The following DLGAP1 variants were observed in gnomAD, a reference collection of about 807,000 sequenced individuals.
DLGAP1 encodes the protein disks large-associated protein 1.
A neutral mutation model predicts 90.8 loss-of-function variants in DLGAP1; 11 were observed. The ratio of observed to expected loss-of-function variants is 0.12; its 90% confidence interval spans 0.08 to 0.20. DLGAP1 has a LOEUF of 0.20. Among genes scored for constraint, DLGAP1 ranks in the 10% least tolerant of loss-of-function variants. The pLI is 1.00. For missense variants in DLGAP1, 1,050 were observed against 1,333.8 expected, an observed-to-expected ratio of 0.79 and a Z score of 3.31; for synonymous variants, 558 against 540.7, an observed-to-expected ratio of 1.03 and a Z score of -0.44.
At chr18:4,282,364 A>G (rs2079574668) in intron 1 of DLGAP1, among the ~76,000 whole-genome samples, 1 of 55,816 alleles carries the variant, frequency 1.8e-5, no homozygotes, top group African/African-American at 4.5e-4. Flanking sequence ...ACTCTGTCTC[A>G]AAAAAAAAAA....
intron 9 of DLGAP1, among the ~76,000 whole-genome samples, chr18:3,540,469 CAAAAA>C (rs60740209): frequency 1.9e-4 from 11 of 58,014 alleles, no homozygotes; most frequent in African/African-American, 5.4e-4. Context: ...GGCCCTGTGT[CAAAAA>C]AAAAAAAAAA....
At chr18:3,528,267 AAAAC>A (rs1361177153) in intron 10 of DLGAP1, among the ~76,000 whole-genome samples, 3 of 152,212 alleles carry the variant, frequency 2.0e-5, no homozygotes, top group African/African-American at 7.2e-5. Context: ...GCACAGAATT[AAAAC>A]AAACAAAAGC....
intron 7 of DLGAP1, among the ~76,000 whole-genome samples, chr18:3,595,953 G>A (rs142772130): frequency 2.0e-5 from 3 of 152,288 alleles, no homozygotes; most frequent in South Asian, 4.1e-4. Flanking sequence ...GTCCCAACCA[G>A]GTCTGCAGGT....
At chr18:3,674,285 T>C (rs1311018652) in intron 7 of DLGAP1, among the ~76,000 whole-genome samples, 1 of 105,080 alleles carries the variant, frequency 9.5e-6, no homozygotes, top group African/African-American at 3.1e-5. Context: ...ATCTTGTCTC[T>C]ATAATATTAA....
intron 1 of DLGAP1, among the ~76,000 whole-genome samples, chr18:4,246,423 T>C (rs1490868519): frequency 6.6e-6 from 1 of 152,230 alleles, no homozygotes; most frequent in East Asian, 1.9e-4. Flanking sequence ...ACTAACTGTA[T>C]TGTTAGCATC....
intron 2 of DLGAP1, among the ~76,000 whole-genome samples, chr18:4,044,508 C>T (rs557795125): frequency 3.3e-5 from 5 of 151,886 alleles, no homozygotes; most frequent in South Asian, 2.1e-4. Context: ...TTTGGGAGGC[C>T]GAGGCAGGTG....
At position 4,106,061 on chromosome 18, in the gene DLGAP1, T is replaced by C. The variant is rs554951073; in HGVS notation, c.-159+45119A>G. Among the ~76,000 whole-genome samples the C allele has an allele frequency of 2.4e-4, 33 of 138,702 alleles. 1 individual carries two copies. The highest frequency in any genetic ancestry group is 1.2e-3 in the East Asian group (6 of 4,844). The allele number at this position is 138,702 out of a possible 152,430, so 91.0% of individuals were successfully genotyped here. On this transcript the variant is annotated intron_variant, in intron 2 of 12. Transcript: ENST00000315677. ...AAAAAAAAAAAAAAAAAAAAAAAAGTTGCAATTAAACTAAAAACTGCTTAA... is the reference window on the plus strand; with the variant it reads ...AAAAAAAAAAAAAAAAAAAAAAAAGCTGCAATTAAACTAAAAACTGCTTAA...
intron 1 of DLGAP1, among the ~76,000 whole-genome samples, chr18:4,190,419 T>C (rs2077375725): frequency 6.6e-6 from 1 of 152,096 alleles, no homozygotes; most frequent in Non-Finnish European, 1.5e-5. Flanking sequence ...ATTGAAACTT[T>C]GAAACTATTC....
intron 2 of DLGAP1, among the ~76,000 whole-genome samples, chr18:4,087,060 T>TATAC (rs767905930): frequency 0.024 from 2,319 of 96,848 alleles, 164 homozygotes; most frequent in Middle Eastern, 0.08. Context: ...CATATATATA[T>TATAC]ACACACACTT....
At chr18:3,663,281 A>G (rs2059753091) in intron 7 of DLGAP1, among the ~76,000 whole-genome samples, 1 of 152,072 alleles carries the variant, frequency 6.6e-6, no homozygotes, top group Non-Finnish European at 1.5e-5. Flanking sequence ...AAAAAAAAAA[A>G]GAACCTGAAT....
At chr18:3,843,344 C>T (rs893923470) in intron 4 of DLGAP1, among the ~76,000 whole-genome samples, 2 of 152,200 alleles carry the variant, frequency 1.3e-5, no homozygotes, top group Non-Finnish European at 2.9e-5. Flanking sequence ...AAGAGCCTTG[C>T]ACATTTTCAC....
At chr18:4,008,294 G>A (rs966638186) in intron 2 of DLGAP1, among the ~76,000 whole-genome samples, 2 of 151,640 alleles carry the variant, frequency 1.3e-5, no homozygotes, top group South Asian at 2.1e-4. Flanking sequence ...AAGTTATTAT[G>A]TCCAGCTCTT....
chr18:3,635,309 T>A (rs2058673789), intron 7 of DLGAP1, among the ~76,000 whole-genome samples: 1 of 151,444 alleles, frequency 6.6e-6, no homozygotes, highest in Non-Finnish European at 1.5e-5. Context: ...TTTTTTGTAT[T>A]GTATTTTTAG....
At chr18:3,551,698 CCCTCCCT>C (rs2053459323) in intron 9 of DLGAP1, among the ~76,000 whole-genome samples, 1 of 15,840 alleles carries the variant, frequency 6.3e-5, no homozygotes, top group Non-Finnish European at 1.1e-4. Context: ...CTCCCTCCCT[CCCTCCCT>C]CCCTCCCTCC....
chr18:3,668,013 A>G (rs1247157847), intron 7 of DLGAP1, among the ~76,000 whole-genome samples: 1 of 152,230 alleles, frequency 6.6e-6, no homozygotes, highest in East Asian at 1.9e-4. Flanking sequence ...AATACCAAAG[A>G]GAAGCCCACA....
At chr18:3,874,309 C>A (rs1453835601) in intron 4 of DLGAP1, 1 of 1,542,258 alleles carries the variant, frequency 6.5e-7, no homozygotes, top group Non-Finnish European at 8.8e-7. Context: ...CTCTGTCTCT[C>A]TCTCTCCACT....
At chr18:3,612,023 T>C (rs1033442728) in intron 7 of DLGAP1, among the ~76,000 whole-genome samples, 3 of 152,236 alleles carry the variant, frequency 2.0e-5, no homozygotes, top group African/African-American at 4.8e-5. Flanking sequence ...CGCTATCAAA[T>C]GAACAAATAA....
intron 7 of DLGAP1, among the ~76,000 whole-genome samples, chr18:3,596,368 C>T (rs1446683619): frequency 6.6e-6 from 1 of 152,018 alleles, no homozygotes; most frequent in Non-Finnish European, 1.5e-5. Flanking sequence ...CCATGTGGGC[C>T]AGGCTGATCT....
chr18:3,561,461 A>G (rs908909200), intron 9 of DLGAP1, among the ~76,000 whole-genome samples: 1 of 141,928 alleles, frequency 7.0e-6, no homozygotes, highest in Non-Finnish European at 1.5e-5. Flanking sequence ...AAAAAAAAAC[A>G]GAAAAATGAA....
Sources: gnomAD v4.1 joint callset for allele counts (sites outside exome capture counted in the v4.1 genomes callset) on GRCh38, gnomAD v4.1.1 for gene constraint, MANE v1.5 for transcripts, NCBI Gene and HGNC (gene_info 2026-07-23, HGNC 2026-07-21) for gene names.